The following AUH variants were observed in gnomAD, a reference collection of about 807,000 sequenced individuals.
AUH encodes the protein methylglutaconyl-CoA hydratase, mitochondrial.
In AUH, 29 loss-of-function variants were observed where a neutral mutation model predicts 42.3. The ratio of observed to expected loss-of-function variants is 0.69; its 90% CI spans 0.51 to 0.93. The LOEUF is 0.93. Among genes scored for constraint, AUH ranks in the 40% least tolerant of loss-of-function variants. AUH has a pLI of 0.00. For synonymous variants in AUH, 174 were observed against 166.4 expected, an observed-to-expected ratio of 1.05 and a Z score of -0.35; for missense variants, 452 against 438.1, an observed-to-expected ratio of 1.03 and a Z score of -0.28.
At chr9:91,271,834 C>T (rs1325966769) in intron 6 of AUH, among the ~76,000 whole-genome samples, 2 of 152,162 alleles carry the variant, frequency 1.3e-5, no homozygotes, top group African/African-American at 4.8e-5. Context: ...GCGCCCGCCA[C>T]CACGCCCGGC....
intron 6 of AUH, among the ~76,000 whole-genome samples, chr9:91,289,083 A>T (rs1011616516): frequency 6.6e-6 from 1 of 152,330 alleles, no homozygotes; most frequent in South Asian, 2.1e-4. Flanking sequence ...CATCACATTA[A>T]TTCTCTTGTC....
At chr9:91,240,569 G>T (rs1453625591) in intron 6 of AUH, among the ~76,000 whole-genome samples, 1 of 151,992 alleles carries the variant, frequency 6.6e-6, no homozygotes, top group Non-Finnish European at 1.5e-5. Flanking sequence ...TGGTGGAAAG[G>T]GTTTGTGTTT....
chr9:91,296,280 T>C (rs549437405), intron 5 of AUH, among the ~76,000 whole-genome samples: 4 of 152,086 alleles, frequency 2.6e-5, no homozygotes, highest in Non-Finnish European at 2.9e-5. Context: ...CCCACAACAT[T>C]TTCTGTTAAA....
chr9:91,351,464 T>C (rs1036566862), intron 3 of AUH, among the ~76,000 whole-genome samples: 3 of 152,210 alleles, frequency 2.0e-5, no homozygotes, highest in African/African-American at 7.2e-5. Flanking sequence ...CATCGGTATA[T>C]AATAAGTCAC....
At chr9:91,221,450 G>C (rs1053945246) in intron 6 of AUH, among the ~76,000 whole-genome samples, 5 of 152,160 alleles carry the variant, frequency 3.3e-5, no homozygotes, top group Non-Finnish European at 5.9e-5. Context: ...CCTTTATGGC[G>C]AATACATTGT....
intron 6 of AUH, among the ~76,000 whole-genome samples, chr9:91,238,196 C>G (rs1025742342): frequency 1.3e-5 from 2 of 152,192 alleles, no homozygotes; most frequent in Non-Finnish European, 2.9e-5. Context: ...CTGTTAGAAA[C>G]CAGGTTCCCT....
chr9:91,285,324 G>T (rs758054461), intron 6 of AUH, among the ~76,000 whole-genome samples: 3 of 152,116 alleles, frequency 2.0e-5, no homozygotes, highest in Non-Finnish European at 1.5e-5. Flanking sequence ...GTGGGGGAAG[G>T]GGGGAGGGAT....
chr9:91,320,131 T>C (rs917743438), intron 4 of AUH, among the ~76,000 whole-genome samples: 4 of 152,212 alleles, frequency 2.6e-5, no homozygotes, highest in African/African-American at 4.8e-5. Context: ...TTTGGACATA[T>C]GGTAATTGTA....
intron 4 of AUH, among the ~76,000 whole-genome samples, chr9:91,325,047 T>C (rs976349095): frequency 6.6e-6 from 1 of 152,102 alleles, no homozygotes; most frequent in African/African-American, 2.4e-5. Context: ...TAAATATAGA[T>C]ATTGTAAGTC....
intron 6 of AUH, among the ~76,000 whole-genome samples, chr9:91,237,171 T>G (rs1828236536): frequency 6.6e-6 from 1 of 152,192 alleles, no homozygotes; most frequent in African/African-American, 2.4e-5. Context: ...TGAATGCCAA[T>G]AATGCTTAGC....
At chr9:91,222,660 GC>G (rs760771749) in intron 6 of AUH, among the ~76,000 whole-genome samples, 7 of 152,164 alleles carry the variant, frequency 4.6e-5, no homozygotes, top group Non-Finnish European at 8.8e-5. Context: ...GAAAAGACAA[GC>G]TATTTATGGT....
chr9:91,359,639 T>C (rs902670538), intron 1 of AUH, among the ~76,000 whole-genome samples: 3 of 152,094 alleles, frequency 2.0e-5, no homozygotes, highest in Non-Finnish European at 2.9e-5. Context: ...AAATTACAAA[T>C]ATGGAGCCCA....
intron 3 of AUH, among the ~76,000 whole-genome samples, chr9:91,334,824 T>C (rs531414027): frequency 6.6e-6 from 1 of 152,350 alleles, no homozygotes; most frequent in East Asian, 1.9e-4. Context: ...TTTTTGTACA[T>C]GTGGTGCCAA....
At chr9:91,304,106 A>G (rs1177526492) in intron 4 of AUH, among the ~76,000 whole-genome samples, 1 of 152,250 alleles carries the variant, frequency 6.6e-6, no homozygotes, top group East Asian at 1.9e-4. Context: ...GCACTAGGTT[A>G]AAATCTAAAT....
At chr9:91,249,359 G>A (rs1340915382) in intron 6 of AUH, among the ~76,000 whole-genome samples, 1 of 143,810 alleles carries the variant, frequency 7.0e-6, no homozygotes, top group Non-Finnish European at 1.5e-5. Flanking sequence ...CTGGAGTTCT[G>A]TAAGAGGGGG....
intron 5 of AUH, 130 bp from the exon 6 acceptor site, chr9:91,296,207 A>T: frequency 1.1e-6 from 1 of 885,852 alleles, no homozygotes; most frequent in Non-Finnish European, 1.7e-6. Context: ...CTTAAAAAAA[A>T]TCACTTAAAA....
At position 91,291,918 on chromosome 9, in the gene AUH, G is replaced by A. The variant is rs1037962744; in HGVS notation, c.655+4103C>T. On this transcript the variant is annotated intron_variant, in intron 6 of 9. Coordinates refer to ENST00000375731, the MANE Select transcript of AUH (RefSeq NM_001698.3). Reference sequence around the variant, plus strand: ...CAGTCTGGCGACAGAGTGAGACTCCGTGTCAAAAAAAAAAAAAAAAAAAAA... The same window carrying A: ...CAGTCTGGCGACAGAGTGAGACTCCATGTCAAAAAAAAAAAAAAAAAAAAA... 1.4e-4 allele frequency among the ~76,000 whole-genome samples: 9 copies of A among 62,378 alleles called. No individual in the cohort carries two copies. The South Asian group carries it at 2.0e-3, about 14-fold the overall frequency. 40.9% of individuals were successfully genotyped at this position (62,378 alleles called of 152,430 possible).
chr9:91,223,916 G>C (rs186625942), intron 6 of AUH, among the ~76,000 whole-genome samples: 5 of 152,170 alleles, frequency 3.3e-5, no homozygotes, highest in African/African-American at 1.2e-4. Flanking sequence ...TTCAAAAAAA[G>C]TATCAAAGAA....
At chr9:91,238,012 G>GT (rs1306229576) in intron 6 of AUH, among the ~76,000 whole-genome samples, 1 of 152,184 alleles carries the variant, frequency 6.6e-6, no homozygotes, top group South Asian at 2.1e-4. Context: ...TGGGGAATGA[G>GT]TTTTTTGCTA....
Sources: gnomAD v4.1 joint callset for allele counts (sites outside exome capture counted in the v4.1 genomes callset) on GRCh38, gnomAD v4.1.1 for gene constraint, MANE v1.5 for transcripts, NCBI Gene and HGNC (gene_info 2026-07-23, HGNC 2026-07-21) for gene names.